Variants in ZP3 observed in about 807,000 individuals in gnomAD.
ZP3 encodes the protein zona pellucida glycoprotein 3, also known as zona pellucida sperm-binding protein 3.
Under a neutral mutation model 35.6 loss-of-function variants are expected in ZP3, and 21 were observed. That is an observed-to-expected ratio of 0.59 (90% CI 0.42 to 0.85). ZP3 has a LOEUF of 0.85. ZP3 is among the 40% of genes least tolerant of loss of function. The probability of loss-of-function intolerance (pLI) is 0.00; values close to 1 mark genes in which losing one functional copy is unlikely to be tolerated. For missense variants in ZP3, 437 were observed against 536.5 expected (o/e 0.81, Z 1.83); for synonymous variants, 207 against 214.5 (o/e 0.96, Z 0.31).
At chr7:76,441,053 C>T (rs560227215) in intron 7 of ZP3, among the ~76,000 whole-genome samples, 31 of 150,878 alleles carry the variant, frequency 2.1e-4, no homozygotes, top group African/African-American at 7.0e-4. Flanking sequence ...TGCCTGTAAT[C>T]CCAGCTACTT....
At chr7:76,426,874 CCACACACACACA>C (rs369991319) in intron 1 of ZP3, among the ~76,000 whole-genome samples, 3 of 126,692 alleles carry the variant, frequency 2.4e-5, no homozygotes, top group South Asian at 2.8e-4. Context: ...CTACCAAACA[CCACACACACACA>C]CACACACACA....
rs371263995 is a variant in ZP3, at chr7:76,433,555, C to G, written c.621C>G (p.His207Gln). 1.2e-5 allele frequency: 19 copies of G among 1,614,216 alleles called. No individual in the cohort carries two copies. The highest frequency in any genetic ancestry group is 1.5e-5 in the Non-Finnish European group (18 of 1,180,034). ...AGGCAGAAATCCACACTGGCAGCCA[C>G]GTGCCACTGCGGTTGTTTGTGGACC... ...HLQAEIHTGS[H>Q]VPLRLFVDHC... Residue 207 changes from histidine (H) to glutamine (Q), a missense_variant, in exon 4 of 8, where the codon CAC becomes CAG. Transcript: ENST00000394857.
chr7:76,429,488 A>G (rs1007760076), intron 1 of ZP3, 27 bp from the exon 2 acceptor site: 7 of 1,608,336 alleles, frequency 4.4e-6, no homozygotes, highest in Non-Finnish European at 6.0e-6. Context: ...GATGGCCGGC[A>G]GCATTAACTT....
chr7:76,399,887 C>G (rs947200117), intron 1 of ZP3, among the ~76,000 whole-genome samples: 3 of 152,116 alleles, frequency 2.0e-5, no homozygotes, highest in Non-Finnish European at 4.4e-5. Flanking sequence ...GTAGTTCCAG[C>G]TACTGAGGCG....
intron 1 of ZP3, among the ~76,000 whole-genome samples, chr7:76,427,533 A>T (rs1228685179): frequency 6.6e-6 from 1 of 151,598 alleles, no homozygotes; most frequent in Non-Finnish European, 1.5e-5. Context: ...AAAAAAAAAA[A>T]AATACAGCCA....
chr7:76,400,264 C>T, intron 1 of ZP3: 1 of 1,443,706 alleles, frequency 6.9e-7, no homozygotes. Context: ...TCTGTCCCTC[C>T]AGGTCCCAGG....
At chr7:76,407,998 T>G (rs1382796471) in intron 1 of ZP3, among the ~76,000 whole-genome samples, 1 of 152,130 alleles carries the variant, frequency 6.6e-6, no homozygotes, top group East Asian at 1.9e-4. Context: ...GAGACTGAAC[T>G]GGCAGGACTG....
At chr7:76,437,033 G>C (rs1346765265) in intron 5 of ZP3, among the ~76,000 whole-genome samples, 1 of 151,774 alleles carries the variant, frequency 6.6e-6, no homozygotes, top group Non-Finnish European at 1.5e-5. Flanking sequence ...CAGAGCAATA[G>C]GGTGGCTGGG....
chr7:76,437,904 T>C (rs1449816637), intron 5 of ZP3, among the ~76,000 whole-genome samples: 7 of 152,356 alleles, frequency 4.6e-5, no homozygotes, highest in African/African-American at 1.7e-4. Flanking sequence ...TGAAAGTACA[T>C]TTCCTTTGTG....
intron 2 of ZP3, among the ~76,000 whole-genome samples, chr7:76,430,164 T>A (rs559706349): frequency 6.6e-6 from 1 of 151,460 alleles, no homozygotes; most frequent in Non-Finnish European, 1.5e-5. Flanking sequence ...GAGCCGAGAT[T>A]GCACTGCTGT....
At chr7:76,431,215 G>A (rs1254782294) in intron 2 of ZP3, among the ~76,000 whole-genome samples, 2 of 152,206 alleles carry the variant, frequency 1.3e-5, no homozygotes, top group Non-Finnish European at 2.9e-5. Context: ...TGGTGCCTAT[G>A]TGGGTAGGGG....
chr7:76,423,879 CT>C (rs1480415318), upstream of ZP3, among the ~76,000 whole-genome samples: 1 of 151,928 alleles, frequency 6.6e-6, no homozygotes, highest in Non-Finnish European at 1.5e-5. Context: ...AAAGAATGCC[CT>C]GGTCGGGGTG....
chr7:76,400,494 C>T (rs149742950), intron 1 of ZP3: 15 of 1,603,976 alleles, frequency 9.4e-6, no homozygotes, highest in Non-Finnish European at 1.3e-5. Flanking sequence ...TGGCGTCCAC[C>T]ACGTCCCAGT....
At chr7:76,426,907 C>CACAA (rs57796274) in intron 1 of ZP3, among the ~76,000 whole-genome samples, 2,454 of 126,878 alleles carry the variant, frequency 0.019, 72 homozygotes, top group African/African-American at 0.057. Context: ...CACACACACA[C>CACAA]AATAGGGTGT....
intron 1 of ZP3, among the ~76,000 whole-genome samples, chr7:76,419,824 ACT>A: frequency 8.5e-6 from 1 of 117,818 alleles, no homozygotes. Flanking sequence ...TTTGAGACAG[ACT>A]CTCACTCTGT....
At chr7:76,408,930 A>G (rs1302597597) in intron 1 of ZP3, among the ~76,000 whole-genome samples, 1 of 152,180 alleles carries the variant, frequency 6.6e-6, no homozygotes, top group Non-Finnish European at 1.5e-5. Flanking sequence ...TCCTAGCTGT[A>G]TGACCTTCAC....
At chr7:76,403,450 G>A (rs527548020) in intron 1 of ZP3, among the ~76,000 whole-genome samples, 1 of 151,252 alleles carries the variant, frequency 6.6e-6, no homozygotes, top group African/African-American at 2.4e-5. Context: ...CAATTCTCCT[G>A]CCTCAGCCTC....
chr7:76,408,308 GC>G (rs1303691376), intron 1 of ZP3, among the ~76,000 whole-genome samples: 1 of 152,158 alleles, frequency 6.6e-6, no homozygotes, highest in African/African-American at 2.4e-5. Flanking sequence ...GCCCAGGACA[GC>G]CCCCAGTGGA....
chr7:76,397,761 G>A (rs1478112762), exon 1 of ZP3: 31 of 1,612,906 alleles, frequency 1.9e-5, no homozygotes, highest in Non-Finnish European at 2.3e-5. Flanking sequence ...GTGCCCCACA[G>A]GCCACTGTGC....
Sources: gnomAD v4.1 joint callset for allele counts (sites outside exome capture counted in the v4.1 genomes callset) on GRCh38, gnomAD v4.1.1 for gene constraint, MANE v1.5 for transcripts, NCBI Gene and HGNC (gene_info 2026-07-23, HGNC 2026-07-21) for gene names.